TMCO6: variants seen among roughly 807,000 people sequenced by gnomAD.
The protein encoded by TMCO6 is transmembrane and coiled-coil domain-containing protein 6.
Under a neutral mutation model 61.8 loss-of-function variants are expected in TMCO6, and 47 were observed. The observed-to-expected ratio is 0.76, with a 90% confidence interval of 0.60 to 0.97. The LOEUF (loss-of-function observed/expected upper bound fraction) is 0.97. TMCO6 is among the 50% of genes least tolerant of loss of function. The pLI, the probability that TMCO6 is intolerant of heterozygous loss-of-function variation, is 0.00. For synonymous variants in TMCO6, 261 were observed against 254.2 expected, an observed-to-expected ratio of 1.03 and a Z score of -0.25; for missense variants, 557 against 601.6, an observed-to-expected ratio of 0.93 and a Z score of 0.78.
chr5:140,597,578 T>C, the TMCO6 span, among the ~76,000 whole-genome samples: 1 of 152,244 alleles, frequency 6.6e-6, no homozygotes, highest in South Asian at 2.1e-4. Context: ...ATTCATTCCA[T>C]ACCCTCAGCT....
chr5:140,639,428 T>C, upstream of TMCO6: 2 of 1,285,350 alleles, frequency 1.6e-6, no homozygotes, highest in East Asian at 2.5e-5. Context: ...TCCCCGCCTG[T>C]TCCCGCCCTG....
chr5:140,632,710 G>A, the TMCO6 span: 1 of 1,613,582 alleles, frequency 6.2e-7, no homozygotes, highest in Non-Finnish European at 8.5e-7. This position sits in a 1 kb window ranked among gnomAD's most constrained non-coding sequence, Gnocchi z 6.2. Context: ...GTGAGCCGCC[G>A]CACGCGGAGA....
chr5:140,642,206 G>T, intron 4 of TMCO6, 109 bp from the exon 5 acceptor site: 1 of 1,388,608 alleles, frequency 7.2e-7, no homozygotes, highest in East Asian at 2.3e-5. Context: ...CCTCTTGTGA[G>T]CCGCAAGGAT....
chr5:140,628,070 G>A, the TMCO6 span, among the ~76,000 whole-genome samples: 31 of 150,038 alleles, frequency 2.1e-4, no homozygotes, highest in East Asian at 5.3e-3. Context: ...GTGCAGTGGC[G>A]CAACCTCGGC....
chr5:140,619,849 T>C, the TMCO6 span, among the ~76,000 whole-genome samples: 1 of 152,246 alleles, frequency 6.6e-6, no homozygotes, highest in Non-Finnish European at 1.5e-5. Flanking sequence ...GAGATATCAC[T>C]ACACACCTTT....
At chr5:140,646,771 A>G (rs1757427866), downstream of TMCO6, among the ~76,000 whole-genome samples, 1 of 152,198 alleles carries the variant, frequency 6.6e-6, no homozygotes, top group Non-Finnish European at 1.5e-5. Context: ...GAGTTTAACA[A>G]TAGTGCAAAA....
At position 140,645,404 on chromosome 5, in the gene TMCO6, A is replaced by C. The variant is rs1307909693; in HGVS notation, c.*306A>C. ...AGAATAAAGTTTTATTTTTATATTA[A>C]GCTACTTTGCCTCAGTGGTTGCACA... On this transcript the variant is annotated 3_prime_UTR_variant, in exon 12 of 12. Transcript: ENST00000394671. The C allele has an allele frequency of 1.2e-6, 1 of 828,480 alleles. No individual in the cohort carries two copies. Among genetic ancestry groups the C allele is most frequent in the South Asian group, 1.4e-5 (1 of 69,170 alleles). 51.3% of individuals were successfully genotyped at this position (828,480 alleles called of 1,614,324 possible).
chr5:140,639,503 T>TCGGCTTTCCTC lies in TMCO6; in HGVS notation c.-23_-13dup, dbSNP rs1274879285. 6.5e-7 allele frequency: 1 copy of TCGGCTTTCCTC among 1,548,572 alleles called. No homozygotes were observed. The highest frequency in any genetic ancestry group is 8.7e-7 in the Non-Finnish European group (1 of 1,146,030). On this transcript the variant is annotated 5_prime_UTR_variant, in exon 1 of 12. Coordinates refer to ENST00000394671, the MANE Select transcript of TMCO6 (RefSeq NM_018502.5). ...GGGAGCGTTGTGGCTGCTGTTTCCT[T>TCGGCTTTCCTC]CGGCTTTCCTCCTCCTGCTCCACCA... is the stretch of plus-strand genomic sequence containing the variant.
chr5:140,597,958 G>A, the TMCO6 span, among the ~76,000 whole-genome samples: 2 of 152,126 alleles, frequency 1.3e-5, no homozygotes, highest in African/African-American at 4.8e-5. Flanking sequence ...TGGAACCTCT[G>A]CATCAGATGG....
At chr5:140,609,909 G>A in the TMCO6 span, among the ~76,000 whole-genome samples, 1 of 151,846 alleles carries the variant, frequency 6.6e-6, no homozygotes, top group Non-Finnish European at 1.5e-5. Context: ...GAGTCTCACT[G>A]TCACCCAGGA....
chr5:140,607,846 A>G, the TMCO6 span, among the ~76,000 whole-genome samples: 2 of 149,872 alleles, frequency 1.3e-5, no homozygotes, highest in Admixed American at 6.7e-5. Flanking sequence ...CTGGAGTGCA[A>G]TGGCGCAATC....
At chr5:140,632,849 C>T in the TMCO6 span, 1 of 1,614,148 alleles carries the variant, frequency 6.2e-7, no homozygotes, top group Non-Finnish European at 8.5e-7. This position sits in a 1 kb window ranked among gnomAD's most constrained non-coding sequence, Gnocchi z 6.2. Flanking sequence ...AGGCTTCGGA[C>T]CAGTCGGGCT....
the TMCO6 span, among the ~76,000 whole-genome samples, chr5:140,598,150 A>G: frequency 6.6e-6 from 1 of 151,978 alleles, no homozygotes; most frequent in Non-Finnish European, 1.5e-5. Context: ...CAAGTGCTTC[A>G]TAACTTTATC....
the TMCO6 span, among the ~76,000 whole-genome samples, chr5:140,614,048 G>A: frequency 7.9e-5 from 12 of 152,108 alleles, no homozygotes; most frequent in Admixed American, 2.0e-4. Context: ...ACAGGCGCCC[G>A]TCACCATGCC....
chr5:140,639,986 A>C (rs1756919590), intron 2 of TMCO6, 135 bp downstream of exon 2: 1 of 705,814 alleles, frequency 1.4e-6, no homozygotes, highest in South Asian at 1.7e-5. Context: ...AGCCAGAAAC[A>C]GGGGAATCAT....
chr5:140,611,506 T>C, the TMCO6 span, among the ~76,000 whole-genome samples: 1 of 152,186 alleles, frequency 6.6e-6, no homozygotes, highest in Non-Finnish European at 1.5e-5. Context: ...TGCTTGTTGT[T>C]AGAATAGAAA....
chr5:140,613,516 C>T, the TMCO6 span, among the ~76,000 whole-genome samples: 26 of 151,786 alleles, frequency 1.7e-4, no homozygotes, highest in Admixed American at 1.6e-3. Context: ...AGAAACTTTG[C>T]CTTCCAGCAG....
chr5:140,614,677 C>T, the TMCO6 span, among the ~76,000 whole-genome samples: 5 of 151,818 alleles, frequency 3.3e-5, no homozygotes, highest in East Asian at 1.9e-4. Context: ...TGCAGTGGCA[C>T]GATCTTGGCT....
chr5:140,640,996 T>C (rs1051951688), intron 2 of TMCO6: 1 of 154,422 alleles, frequency 6.5e-6, no homozygotes. Context: ...TACTATTCCA[T>C]TGTATGCTTA....
Sources: allele counts gnomAD v4.1 joint callset (sites outside exome capture counted in the v4.1 genomes callset), GRCh38; gene constraint gnomAD v4.1.1; non-coding constraint Gnocchi (gnomAD v3.1); transcripts MANE v1.5; gene names NCBI Gene and HGNC (gene_info 2026-07-23, HGNC 2026-07-21).